PCDH11X: variants seen among roughly 807,000 people sequenced by gnomAD.
PCDH11X encodes the protein protocadherin-11 X-linked.
A neutral mutation model predicts 53.3 loss-of-function variants in PCDH11X; 18 were observed. The ratio of observed to expected loss-of-function variants is 0.34; its 90% CI spans 0.23 to 0.50. The LOEUF (loss-of-function observed/expected upper bound fraction) is 0.50, where lower values mean the gene tolerates loss of function less well. PCDH11X is among the 20% of genes least tolerant of loss of function. The pLI is 0.98. For missense variants in PCDH11X, 570 were observed against 1,032.4 expected (o/e 0.55, Z 6.14); for synonymous variants, 279 against 393.3 (o/e 0.71, Z 3.44).
chrX:92,245,721 T>C, intron 7 of PCDH11X, among the ~76,000 whole-genome samples: 1 of 111,976 alleles, frequency 8.9e-6, no homozygotes, highest in East Asian at 2.8e-4. Context: ...CCTTCCTACA[T>C]GAAGGGAGGA....
intron 7 of PCDH11X, among the ~76,000 whole-genome samples, chrX:92,213,610 T>C (rs955234306): frequency 9.0e-6 from 1 of 111,730 alleles, no homozygotes; most frequent in Non-Finnish European, 1.9e-5. Context: ...ACGATTCTCA[T>C]GGCATGTTAA....
rs775051345 is a variant in PCDH11X at position 92,192,626 on chromosome X, C to T, written c.3034-8749C>T. ...CCTCCTAAAGTGCTGGGATTACAGG[C>T]GTGAGCCACTGCACCCGGCCTCCAT... On this transcript the variant is annotated intron_variant, in intron 6 of 10. Transcript: ENST00000682573. 5.1e-3 allele frequency among the ~76,000 whole-genome samples: 565 copies of T among 111,688 alleles called. 3 individuals are homozygous for T. Among genetic ancestry groups the T allele is most frequent in the African/African-American group, 0.018 (540 of 30,740 alleles).
chrX:92,462,381 T>C (rs2073066974), intron 9 of PCDH11X, among the ~76,000 whole-genome samples: 1 of 110,863 alleles, frequency 9.0e-6, no homozygotes, highest in Non-Finnish European at 1.9e-5. Flanking sequence ...TACAAATCAA[T>C]TTCACTGTGG....
At chrX:91,864,742 A>G (rs1395916482) in intron 5 of PCDH11X, among the ~76,000 whole-genome samples, 2 of 107,476 alleles carry the variant, frequency 1.9e-5, no homozygotes, top group African/African-American at 6.8e-5. Flanking sequence ...ATTTTCAAAT[A>G]CCCTGTCTTC....
intron 6 of PCDH11X, among the ~76,000 whole-genome samples, chrX:91,956,905 A>T (rs1432768274): frequency 9.8e-6 from 1 of 102,180 alleles, no homozygotes; most frequent in South Asian, 5.0e-4. Flanking sequence ...TCAGTCATAG[A>T]TTTGCTCTCT....
intron 1 of PCDH11X, among the ~76,000 whole-genome samples, chrX:91,807,411 G>A (rs929268357): frequency 1.8e-5 from 2 of 110,477 alleles, no homozygotes; most frequent in African/African-American, 6.6e-5. Flanking sequence ...AACTGGAATT[G>A]ACAAATTAAT....
intron 6 of PCDH11X, among the ~76,000 whole-genome samples, chrX:92,056,841 A>T (rs1602775384): frequency 9.1e-6 from 1 of 109,625 alleles, no homozygotes; most frequent in East Asian, 2.8e-4. Context: ...CAGGAATTTA[A>T]TATTCTTCAC....
intron 5 of PCDH11X, among the ~76,000 whole-genome samples, chrX:91,865,504 G>A (rs2147699478): frequency 9.1e-6 from 1 of 109,619 alleles, no homozygotes; most frequent in East Asian, 2.9e-4. Flanking sequence ...CTCAGCACTG[G>A]GTCTCACCCT....
At chrX:91,810,083 A>G (rs941208313) in intron 2 of PCDH11X, among the ~76,000 whole-genome samples, 40 of 111,632 alleles carry the variant, frequency 3.6e-4, no homozygotes, top group African/African-American at 1.3e-3. Flanking sequence ...CCACATAAAT[A>G]TGCATTAAAT....
At chrX:92,496,074 G>C (rs1399662580) in intron 10 of PCDH11X, among the ~76,000 whole-genome samples, 1 of 95,295 alleles carries the variant, frequency 1.0e-5, no homozygotes, top group Non-Finnish European at 2.0e-5. Context: ...TCAGTTAATT[G>C]GTAAATATGT....
chrX:92,206,298 A>G (rs1479198678), intron 7 of PCDH11X, among the ~76,000 whole-genome samples: 1 of 111,814 alleles, frequency 8.9e-6, no homozygotes, highest in Admixed American at 9.5e-5. Flanking sequence ...ATGGTTTCTT[A>G]TGAAATATCT....
chrX:92,517,955 G>T lies in PCDH11X; in HGVS notation c.3367+49633G>T, dbSNP rs767580337. Among the ~76,000 whole-genome samples, 757 of 110,715 alleles carry T rather than the reference G, an allele frequency of 6.8e-3. 7 individuals carry two copies. The highest frequency in any genetic ancestry group is 0.024 in the African/African-American group (725 of 30,634). Reference sequence around the variant, plus strand: ...GTGATTTTTAACAAATATTGTCACAGTGCAATGATAGCATTTTCATTCACA... The same window carrying T: ...GTGATTTTTAACAAATATTGTCACATTGCAATGATAGCATTTTCATTCACA... On this transcript the variant is annotated intron_variant, in intron 10 of 10. Transcript: ENST00000682573.
intron 8 of PCDH11X, among the ~76,000 whole-genome samples, chrX:92,325,157 C>T (rs1290563240): frequency 9.0e-6 from 1 of 110,791 alleles, no homozygotes; most frequent in Non-Finnish European, 1.9e-5. Flanking sequence ...AAAAAGATAA[C>T]TCGTTGAGAA....
chrX:92,013,233 C>A (rs1473503946), intron 6 of PCDH11X, among the ~76,000 whole-genome samples: 1 of 111,240 alleles, frequency 9.0e-6, no homozygotes, highest in Non-Finnish European at 1.9e-5. Flanking sequence ...TCTTATACAC[C>A]AATAACAGAC....
intron 4 of PCDH11X, among the ~76,000 whole-genome samples, chrX:91,813,381 T>C (rs1010048751): frequency 9.5e-6 from 1 of 104,923 alleles, no homozygotes; most frequent in Non-Finnish European, 1.9e-5. Context: ...ATTTTCCCCA[T>C]GTGATGCTAA....
intron 4 of PCDH11X, among the ~76,000 whole-genome samples, chrX:91,819,578 G>T (rs1339615791): frequency 9.1e-6 from 1 of 109,379 alleles, no homozygotes; most frequent in African/African-American, 3.3e-5. Flanking sequence ...TATTCTTGGA[G>T]GAAAAGGTTT....
intron 6 of PCDH11X, among the ~76,000 whole-genome samples, chrX:91,909,514 T>G (rs767674359): frequency 1.8e-5 from 2 of 109,092 alleles, no homozygotes; most frequent in Admixed American, 2.0e-4. Context: ...CTTACAGTGG[T>G]TTGCTGATTT....
At chrX:92,558,577 T>C (rs1439764738) in intron 10 of PCDH11X, among the ~76,000 whole-genome samples, 1 of 111,245 alleles carries the variant, frequency 9.0e-6, no homozygotes, top group African/African-American at 3.3e-5. Context: ...TGATTTGTCA[T>C]GCTTTCCAGG....
chrX:92,536,294 T>C (rs1361690888), intron 10 of PCDH11X, among the ~76,000 whole-genome samples: 1 of 111,485 alleles, frequency 9.0e-6, no homozygotes, highest in Non-Finnish European at 1.9e-5. Flanking sequence ...CCAGTTCCTG[T>C]ATTATTTTAT....
Sources: allele counts gnomAD v4.1 joint callset (sites outside exome capture counted in the v4.1 genomes callset), GRCh38; gene constraint gnomAD v4.1.1; transcripts MANE v1.5; gene names NCBI Gene and HGNC (gene_info 2026-07-23, HGNC 2026-07-21).